HIPK2: variants seen among roughly 807,000 people sequenced by gnomAD.
HIPK2 encodes the protein homeodomain-interacting protein kinase 2.
A neutral mutation model predicts 113.7 loss-of-function variants in HIPK2; 27 were observed. The ratio of observed to expected loss-of-function variants is 0.24; its 90% CI spans 0.17 to 0.33. The LOEUF is 0.33. Among genes scored for constraint, HIPK2 ranks in the 10% least tolerant of loss-of-function variants. The pLI, the probability that HIPK2 is intolerant of heterozygous loss-of-function variation, is 1.00. For synonymous variants in HIPK2, 631 were observed against 642.2 expected (o/e 0.98, Z 0.26); for missense variants, 1,257 against 1,588.0 (o/e 0.79, Z 3.54).
At chr7:139,693,049 C>T (rs552804657) in intron 2 of HIPK2, among the ~76,000 whole-genome samples, 1 of 150,052 alleles carries the variant, frequency 6.7e-6, no homozygotes, top group South Asian at 2.1e-4. Context: ...GACAACAGTT[C>T]CTAACCCCAA....
rs1268853881 is a variant in HIPK2, at chr7:139,703,877, C to CCA, written c.1103+12053_1103+12054dup. Among the ~76,000 whole-genome samples, 25 of 103,876 alleles carry CCA rather than the reference C, an allele frequency of 2.4e-4. 1 individual carries two copies. In the South Asian group the frequency reaches 3.6e-3, roughly 15 times the overall value. 68.1% of individuals were successfully genotyped at this position (103,876 alleles called of 152,430 possible). ...TACCCAACCTACACACCCAACACCA[C>CCA]CACACACACACACACGCAACACATA... is the stretch of plus-strand genomic sequence containing the variant. On this transcript the variant is annotated intron_variant, in intron 2 of 14. Transcript: ENST00000406875.
intron 2 of HIPK2, among the ~76,000 whole-genome samples, chr7:139,666,434 G>A (rs1027081504): frequency 6.6e-6 from 1 of 152,174 alleles, no homozygotes; most frequent in East Asian, 1.9e-4. Context: ...TAAAGTCAAA[G>A]ATTAGGTGCC....
intron 6 of HIPK2, among the ~76,000 whole-genome samples, chr7:139,622,179 G>A (rs1800257983): frequency 6.6e-6 from 1 of 152,146 alleles, no homozygotes; most frequent in African/African-American, 2.4e-5. Context: ...GACTGACTGA[G>A]ACGCGACTTA....
At chr7:139,708,495 G>A (rs999928971) in intron 2 of HIPK2, among the ~76,000 whole-genome samples, 5 of 152,220 alleles carry the variant, frequency 3.3e-5, no homozygotes, top group African/African-American at 9.7e-5. Context: ...GATGGGGCAG[G>A]AGGGTCCTTA....
At chr7:139,665,687 T>C (rs1802025884) in intron 2 of HIPK2, among the ~76,000 whole-genome samples, 1 of 152,166 alleles carries the variant, frequency 6.6e-6, no homozygotes, top group Admixed American at 6.6e-5. Context: ...CTCATTATAT[T>C]ACCAAACTCC....
chr7:139,660,209 G>C (rs559251270), intron 2 of HIPK2, among the ~76,000 whole-genome samples: 76 of 152,304 alleles, frequency 5.0e-4, no homozygotes, highest in African/African-American at 1.8e-3. Flanking sequence ...GTAGGAAGTA[G>C]GCACCCTTGG....
intron 2 of HIPK2, among the ~76,000 whole-genome samples, chr7:139,645,323 A>AT (rs1283206324): frequency 1.3e-5 from 2 of 152,342 alleles, no homozygotes; most frequent in East Asian, 3.9e-4. Context: ...AGGGAGATAC[A>AT]TTCAGTGTCA....
At position 139,620,541 on chromosome 7, in the gene HIPK2, T is replaced by C; in HGVS notation, c.1642A>G (p.Met548Val). ...TTCACCCGACGCTTGCAGATCTCCA[T>C]GTTCTGGAAACATGATTTGACGCTG... ...STHVKSCFQN[M>V]EICKRRVNMY... The change falls in exon 7 of 15, where the codon ATG becomes GTG. Residue 548 changes from methionine to valine, a missense_variant. By Grantham distance (21) the Met-to-Val change is conservative (BLOSUM62 1). This residue lies in a region of HIPK2 where 862 missense variants were observed against 1,004.3 expected (regional missense o/e 0.86). Transcript: ENST00000406875. 8 of 1,614,134 alleles carry C rather than the reference T, an allele frequency of 5.0e-6. No homozygotes were observed. Among genetic ancestry groups the C allele is most frequent in the African/African-American group, 1.3e-5 (1 of 75,034 alleles).
At position 139,596,887 on chromosome 7, in the gene HIPK2, C is replaced by T. The variant is rs772033847; in HGVS notation, c.2547G>A (p.Pro849=). The part of the protein sequence containing the change: ...PPRCAMVHSS[P]ACSTSVTCGW... ...CACAGGTGACCGAGGTGCTGCAGGCCGGGCTACTGTGCACCATGGCACAGC... is the reference window on the plus strand; with the variant it reads ...CACAGGTGACCGAGGTGCTGCAGGCTGGGCTACTGTGCACCATGGCACAGC... Residue 849 remains proline (P), a synonymous_variant, in exon 12 of 15, where the codon CCG becomes CCA. Transcript: ENST00000406875. 11 of 1,613,878 alleles carry T rather than the reference C, an allele frequency of 6.8e-6. No homozygotes were observed. Among genetic ancestry groups the T allele is most frequent in the Middle Eastern group, 1.7e-4 (1 of 6,006 alleles).
At chr7:139,633,628 A>G (rs933860289) in intron 2 of HIPK2, among the ~76,000 whole-genome samples, 3 of 149,802 alleles carry the variant, frequency 2.0e-5, no homozygotes, top group Non-Finnish European at 4.5e-5. Context: ...CCTGGGCAAC[A>G]GAGTGAGACC....
rs189934647 is a variant in HIPK2 at position 139,620,918 on chromosome 7, T to C, written c.1620-355A>G. The stretch of plus-strand genomic sequence containing the variant: ...GCCTGGTTTCTGGCCCACAAACCAA[T>C]GTATAAGCTCTCTGAATGGGAACAT... On this transcript the variant is annotated intron_variant, in intron 6 of 14. Coordinates refer to ENST00000406875, the MANE Select transcript of HIPK2 (RefSeq NM_022740.5). Among the ~76,000 whole-genome samples, 5 of 152,326 alleles carry C rather than the reference T, an allele frequency of 3.3e-5. No homozygotes were observed. The East Asian group carries it at 9.6e-4, about 29-fold the overall frequency.
chr7:139,586,326 T>C (rs992158505), intron 12 of HIPK2, among the ~76,000 whole-genome samples: 6 of 152,178 alleles, frequency 3.9e-5, no homozygotes, highest in African/African-American at 1.4e-4. Flanking sequence ...TCTCAAAGGA[T>C]TGGAAACAGG....
chr7:139,688,002 T>A (rs150395279), intron 2 of HIPK2, among the ~76,000 whole-genome samples: 15 of 152,328 alleles, frequency 9.8e-5, no homozygotes, highest in Non-Finnish European at 2.1e-4. Flanking sequence ...CATCCAGGGA[T>A]AAGCTCACCC....
At chr7:139,626,243 C>T (rs558815252) in intron 6 of HIPK2, among the ~76,000 whole-genome samples, 1 of 151,996 alleles carries the variant, frequency 6.6e-6, no homozygotes, top group Admixed American at 6.6e-5. Flanking sequence ...GCTGGGATTA[C>T]AGGTGCGCCC....
rs546462220 is a variant in HIPK2, at chr7:139,615,062, C to T, written c.1783-569G>A. ...ACGTCCAAGCTCTGCTCACACTCCC[C>T]TCGGGCCTGGTGGGTGCAGTCCACA... On this transcript the variant is annotated intron_variant, in intron 7 of 14. Transcript: ENST00000406875. Among the ~76,000 whole-genome samples the T allele has an allele frequency of 3.1e-4, 47 of 152,346 alleles. 1 individual carries two copies. The South Asian group carries it at 9.5e-3, about 31-fold the overall frequency.
chr7:139,757,335 G>A (rs1796379376), intron 1 of HIPK2, among the ~76,000 whole-genome samples: 1 of 152,154 alleles, frequency 6.6e-6, no homozygotes, highest in African/African-American at 2.4e-5. Context: ...AAAATGTAGA[G>A]GTGGCCTAGA....
At chr7:139,692,379 T>C (rs1367605063) in intron 2 of HIPK2, among the ~76,000 whole-genome samples, 1 of 152,156 alleles carries the variant, frequency 6.6e-6, no homozygotes, top group Non-Finnish European at 1.5e-5. Context: ...TGTCAGGCCC[T>C]CCCCGAGAGC....
intron 2 of HIPK2, among the ~76,000 whole-genome samples, chr7:139,693,810 TC>T (rs1794485391): frequency 6.6e-6 from 1 of 152,160 alleles, no homozygotes; most frequent in Non-Finnish European, 1.5e-5. Context: ...ATCTTTATTC[TC>T]CAATAATGTG....
intron 1 of HIPK2, among the ~76,000 whole-genome samples, chr7:139,724,530 T>A (rs1795511073): frequency 6.6e-6 from 1 of 151,928 alleles, no homozygotes; most frequent in Non-Finnish European, 1.5e-5. Context: ...ACAGAATTCT[T>A]TTTTTTTATT....
Sources: allele counts gnomAD v4.1 joint callset (sites outside exome capture counted in the v4.1 genomes callset), GRCh38; gene constraint gnomAD v4.1.1; regional missense constraint gnomAD v4.1.1; transcripts MANE v1.5; gene names NCBI Gene and HGNC (gene_info 2026-07-23, HGNC 2026-07-21).